The following ALDH8A1 variants were observed in gnomAD, a reference collection of about 807,000 sequenced individuals.
ALDH8A1 encodes aldehyde dehydrogenase 8 family member A1.
ALDH8A1 carries 39 observed loss-of-function variants against 43.3 expected under a neutral mutation model. That is an observed-to-expected ratio of 0.90 (90% CI 0.70 to 1.18). The LOEUF (loss-of-function observed/expected upper bound fraction) is 1.18. Among genes scored for constraint, ALDH8A1 ranks in the 50% most tolerant of loss-of-function variants. ALDH8A1 has a pLI of 0.00. For synonymous variants in ALDH8A1, 233 were observed against 243.5 expected, an observed-to-expected ratio of 0.96 and a Z score of 0.40; for missense variants, 605 against 622.6, an observed-to-expected ratio of 0.97 and a Z score of 0.30.
intron 1 of ALDH8A1, among the ~76,000 whole-genome samples, chr6:134,945,468 C>T (rs1240683159): frequency 6.6e-6 from 1 of 152,104 alleles, no homozygotes; most frequent in African/African-American, 2.4e-5. Context: ...AAGGTATGGG[C>T]AGGGTCAACT....
intron 3 of ALDH8A1, 66 bp from the exon 4 acceptor site, chr6:134,939,481 G>A (rs1773814209): frequency 1.3e-6 from 2 of 1,540,504 alleles, no homozygotes; most frequent in Non-Finnish European, 1.8e-6. Context: ...TGGCCAAGTG[G>A]GGTTATTAAC....
At chr6:134,924,195 G>T (rs1776849407) in intron 6 of ALDH8A1, among the ~76,000 whole-genome samples, 1 of 152,216 alleles carries the variant, frequency 6.6e-6, no homozygotes, top group Non-Finnish European at 1.5e-5. Context: ...TCAGAGAAGG[G>T]TGTCCCTCCC....
rs1386092899 is a variant in ALDH8A1, at chr6:134,929,051, T to C, written c.1011+3A>G. On this transcript the variant is annotated splice_donor_region_variant and intron_variant, in intron 6 of 6. Transcript: ENST00000265605. ...GTAACTTACATGGCAGAAATTTACTTACTTTCTCCAAATGTGCTTTACTTA... is the reference window on the plus strand; with the variant it reads ...GTAACTTACATGGCAGAAATTTACTCACTTTCTCCAAATGTGCTTTACTTA... The C allele has an allele frequency of 1.2e-6, 2 of 1,613,142 alleles. No individual in the cohort carries two copies. The highest frequency in any genetic ancestry group is 1.7e-6 in the Non-Finnish European group (2 of 1,179,716).
At chr6:134,920,434 T>C (rs1776780079) in intron 6 of ALDH8A1, among the ~76,000 whole-genome samples, 1 of 152,160 alleles carries the variant, frequency 6.6e-6, no homozygotes, top group African/African-American at 2.4e-5. Flanking sequence ...CCTGTGTGAA[T>C]AGGGGAATGG....
At chr6:134,922,577 G>A (rs1399243177) in intron 6 of ALDH8A1, among the ~76,000 whole-genome samples, 1 of 151,778 alleles carries the variant, frequency 6.6e-6, no homozygotes, top group Non-Finnish European at 1.5e-5. Context: ...TAGTAGAGAT[G>A]GGGTTTCACC....
rs535421379 is a variant in ALDH8A1 at position 134,930,688 on chromosome 6, T to G, written c.850-1473A>C. On this transcript the variant is annotated intron_variant, in intron 5 of 6. Transcript: ENST00000265605. Reference sequence around the variant, plus strand: ...GGAAATGTCTAAACACTTGATAGTTTCATTTGCGCAAGCGCCCTGTGACAT... The same window carrying G: ...GGAAATGTCTAAACACTTGATAGTTGCATTTGCGCAAGCGCCCTGTGACAT... Among the ~76,000 whole-genome samples the G allele has an allele frequency of 4.6e-5, 7 of 152,344 alleles. No individual in the cohort carries two copies. The East Asian group carries it at 1.2e-3, about 25-fold the overall frequency.
chr6:134,931,842 A>G (rs181280891), intron 5 of ALDH8A1, among the ~76,000 whole-genome samples: 23 of 152,360 alleles, frequency 1.5e-4, no homozygotes, highest in African/African-American at 5.5e-4. Flanking sequence ...TTTTCACTCT[A>G]TACTCATGAA....
intron 6 of ALDH8A1, among the ~76,000 whole-genome samples, chr6:134,928,822 C>G (rs1776928710): frequency 6.6e-6 from 1 of 152,224 alleles, no homozygotes; most frequent in African/African-American, 2.4e-5. Context: ...TATCTCCATG[C>G]TGACTTCTCA....
chr6:134,943,244 G>A (rs1773890302), intron 2 of ALDH8A1, among the ~76,000 whole-genome samples: 1 of 152,102 alleles, frequency 6.6e-6, no homozygotes, highest in African/African-American at 2.4e-5. Flanking sequence ...TTTTTGATTG[G>A]TTTATGGCAC....
chr6:134,947,465 G>T (rs897530718), intron 1 of ALDH8A1, among the ~76,000 whole-genome samples: 3 of 152,070 alleles, frequency 2.0e-5, no homozygotes, highest in South Asian at 2.1e-4. Flanking sequence ...GAAAATATTT[G>T]CAAACTATCC....
At chr6:134,924,024 C>T (rs1281323564) in intron 6 of ALDH8A1, among the ~76,000 whole-genome samples, 1 of 152,196 alleles carries the variant, frequency 6.6e-6, no homozygotes, top group African/African-American at 2.4e-5. Context: ...CCTGCATGCA[C>T]AGCTTGGACC....
intron 5 of ALDH8A1, among the ~76,000 whole-genome samples, chr6:134,930,696 G>A (rs1448451446): frequency 3.9e-5 from 6 of 152,174 alleles, no homozygotes; most frequent in Admixed American, 6.5e-5. Flanking sequence ...TTTCATTTGC[G>A]CAAGCGCCCT....
chr6:134,946,300 C>T (rs1372000894), intron 1 of ALDH8A1, among the ~76,000 whole-genome samples: 5 of 152,118 alleles, frequency 3.3e-5, no homozygotes, highest in Non-Finnish European at 7.4e-5. Flanking sequence ...TTGGTGACCT[C>T]CACCACCAGC....
At chr6:134,927,161 T>C (rs1208719538) in intron 6 of ALDH8A1, among the ~76,000 whole-genome samples, 2 of 152,186 alleles carry the variant, frequency 1.3e-5, no homozygotes, top group Non-Finnish European at 2.9e-5. Context: ...GCATGTTGCC[T>C]ATGTAGTGTT....
In ALDH8A1 at chr6:134,932,820, C is replaced by G. The variant is rs1490247650; in HGVS notation, c.805G>C (p.Asp269His). 6.2e-7 allele frequency: 1 copy of G among 1,614,108 alleles called. No homozygotes were observed. Among genetic ancestry groups the G allele is most frequent in the Non-Finnish European group, 8.5e-7 (1 of 1,180,050 alleles). The change falls in exon 5 of 7, where the codon GAT becomes CAT. Residue 269 changes from aspartate to histidine, a missense_variant. Transcript: ENST00000265605. ...PAIIFEDANLDECIPATVRSS... is the reference protein window; with the variant it reads ...PAIIFEDANLHECIPATVRSS... ...CTGACGGTTGCCGGAATGCACTCATCCAGGTTGGCGTCCTCAAAGATGATG... is the reference window on the plus strand; with the variant it reads ...CTGACGGTTGCCGGAATGCACTCATGCAGGTTGGCGTCCTCAAAGATGATG...
intron 3 of ALDH8A1, among the ~76,000 whole-genome samples, chr6:134,940,456 G>T (rs895132779): frequency 6.6e-6 from 1 of 152,142 alleles, no homozygotes; most frequent in Admixed American, 6.5e-5. Flanking sequence ...TCATAAAATA[G>T]GGGCCAATGA....
rs767683254 is a variant in ALDH8A1 at position 134,932,933 on chromosome 6, C to A, written c.692G>T (p.Gly231Val). Residue 231 changes from glycine (G) to valine (V), a missense_variant, in exon 5 of 7, where the codon GGG becomes GTG. By Grantham distance (109) the Gly-to-Val change is moderately radical (BLOSUM62 -3). Coordinates refer to ENST00000265605, the MANE Select transcript of ALDH8A1 (RefSeq NM_022568.4). Reference protein sequence around the residue: ...HPEVPLISFTGSQPTAERITQ... With the variant: ...HPEVPLISFTVSQPTAERITQ... ...GATCCGCTCAGCGGTGGGCTGGCTC[C>A]CGGTGAAGGAGATCAGGGGCACCTC... is the stretch of plus-strand genomic sequence containing the variant. 1 of 1,614,064 alleles carries A rather than the reference C, an allele frequency of 6.2e-7. No individual in the cohort carries two copies. The highest frequency in any genetic ancestry group is 1.1e-5 in the South Asian group (1 of 91,074).
intron 5 of ALDH8A1, 26 bp downstream of exon 5, chr6:134,932,746 GGGGA>G: frequency 6.2e-7 from 1 of 1,607,386 alleles, no homozygotes; most frequent in Non-Finnish European, 8.5e-7. Flanking sequence ...GGGCCATGGA[GGGGA>G]GGGAGAAGAA....
chr6:134,947,858 T>A (rs1202876157), intron 1 of ALDH8A1, among the ~76,000 whole-genome samples: 3 of 37,612 alleles, frequency 8.0e-5, no homozygotes, highest in African/African-American at 2.4e-4. Context: ...AAAAAAAAAA[T>A]AAAAATAGAA....
Sources: gnomAD v4.1 joint callset for allele counts (sites outside exome capture counted in the v4.1 genomes callset) on GRCh38, gnomAD v4.1.1 for gene constraint, MANE v1.5 for transcripts, NCBI Gene and HGNC (gene_info 2026-07-23, HGNC 2026-07-21) for gene names.